The following AP3S2 variants were observed in gnomAD, a reference collection of about 807,000 sequenced individuals.
AP3S2 encodes adaptor related protein complex 3 subunit sigma 2, also known as AP-3 complex subunit sigma-2.
A neutral mutation model predicts 23.4 loss-of-function variants in AP3S2; 22 were observed. The ratio of observed to expected loss-of-function variants is 0.94; its 90% CI spans 0.67 to 1.34. AP3S2 has a LOEUF of 1.34. AP3S2 is among the 40% of genes most tolerant of loss of function. The pLI is 0.00. For missense variants in AP3S2, 241 were observed against 236.9 expected (o/e 1.02, Z -0.11); for synonymous variants, 86 against 87.1 (o/e 0.99, Z 0.07).
At chr15:89,852,060 G>A (rs949039651) in intron 4 of AP3S2, among the ~76,000 whole-genome samples, 1 of 152,188 alleles carries the variant, frequency 6.6e-6, no homozygotes, top group African/African-American at 2.4e-5. Context: ...ATTGCAGAGT[G>A]TAGAGGGAGC....
At position 89,893,980 on chromosome 15, in the gene AP3S2, C is replaced by T; in HGVS notation, c.-31G>A. 1.3e-6 allele frequency: 2 copies of T among 1,547,590 alleles called. No homozygotes were observed. Among genetic ancestry groups the T allele is most frequent in the Middle Eastern group, 1.7e-4 (1 of 5,988 alleles). On this transcript the variant is annotated 5_prime_UTR_variant, in exon 1 of 6. Transcript: ENST00000336418. ...CCAGCCACGGTTCTCTCAGCACCGG[C>T]TACTCCCAGAAAGCTCCTCCTTCCG...
Position 89,888,591 on chromosome 15 carries a change from T to A in AP3S2, c.203A>T (p.Tyr68Phe), listed in dbSNP as rs1490209841. 1 of 1,614,168 alleles carries A rather than the reference T, an allele frequency of 6.2e-7. No individual in the cohort carries two copies. Among genetic ancestry groups the A allele is most frequent in the African/African-American group, 1.3e-5 (1 of 75,038 alleles). ...ACAAAATACAAAGTAGAGGGTAGCA[T>A]AGTGCCGGTAGATCAGTTTGTAGTC... is the stretch of plus-strand genomic sequence containing the variant. ...GSDYKLIYRH[Y>F]ATLYFVFCVD... Residue 68 changes from tyrosine (Y) to phenylalanine (F), a missense_variant, in exon 3 of 6, where the codon TAT becomes TTT. By Grantham distance (22) the Tyr-to-Phe change is conservative (BLOSUM62 3). Coordinates refer to ENST00000336418, the MANE Select transcript of AP3S2 (RefSeq NM_005829.5).
In AP3S2 at chr15:89,832,960, G is replaced by A. The variant is rs756046749; in HGVS notation, c.*2555C>T. On this transcript the variant is annotated 3_prime_UTR_variant, in exon 6 of 6. Coordinates refer to ENST00000336418, the MANE Select transcript of AP3S2 (RefSeq NM_005829.5). ...GCTTCAGTTTTATGTCATTGTAAGA[G>A]GCCATGTGAGGGATGTTTGGATGCT... The A allele has an allele frequency of 4.6e-5, 7 of 152,302 alleles. No homozygotes were observed. The highest frequency in any genetic ancestry group is 8.8e-5 in the Non-Finnish European group (6 of 68,028). The allele number at this position is 152,302 out of a possible 1,614,324, so 9.4% of individuals were successfully genotyped here.
At chr15:89,848,161 C>G (rs1895542649) in intron 4 of AP3S2, among the ~76,000 whole-genome samples, 1 of 152,344 alleles carries the variant, frequency 6.6e-6, no homozygotes, top group Middle Eastern at 3.4e-3. Context: ...GACAGAGGCT[C>G]ACATTCCTAC....
At chr15:89,888,364 G>A (rs1450934718) in intron 3 of AP3S2, among the ~76,000 whole-genome samples, 157 bp downstream of exon 3, 1 of 152,194 alleles carries the variant, frequency 6.6e-6, no homozygotes, top group East Asian at 1.9e-4. Context: ...AGTGCTGAGG[G>A]TTTCTCAGGA....
intron 4 of AP3S2, among the ~76,000 whole-genome samples, chr15:89,865,913 TAACAC>T: frequency 6.6e-6 from 1 of 152,208 alleles, no homozygotes; most frequent in East Asian, 1.9e-4. Flanking sequence ...TTCTTACAAA[TAACAC>T]GGAGCAAAGA....
At chr15:89,886,117 G>A (rs1049966770) in intron 3 of AP3S2, among the ~76,000 whole-genome samples, 8 of 152,020 alleles carry the variant, frequency 5.3e-5, no homozygotes, top group Non-Finnish European at 8.8e-5. Flanking sequence ...TTGGGAGGCC[G>A]AGGCGGGCGG....
chr15:89,868,872 G>A (rs1488974496), intron 4 of AP3S2, among the ~76,000 whole-genome samples: 1 of 139,212 alleles, frequency 7.2e-6, no homozygotes, highest in African/African-American at 2.8e-5. Context: ...GGTGAGGGGC[G>A]CCTCTGCCCG....
chr15:89,846,982 T>C (rs1224667416), intron 4 of AP3S2, among the ~76,000 whole-genome samples: 2 of 152,164 alleles, frequency 1.3e-5, no homozygotes, highest in African/African-American at 2.4e-5. Flanking sequence ...CATTTTTTCT[T>C]TTCTAGGATG....
In AP3S2 at chr15:89,868,602, C is replaced by T. The variant is rs1216855136; in HGVS notation, c.345+2873G>A. ...CCCTCCACCCGGCCAGCCGCCCCGT[C>T]TGGGAGGTGAGGGGCGCCTCTGCCC... is the stretch of plus-strand genomic sequence containing the variant. On this transcript the variant is annotated intron_variant, in intron 4 of 5. Coordinates refer to ENST00000336418, the MANE Select transcript of AP3S2 (RefSeq NM_005829.5). 3.3e-5 allele frequency among the ~76,000 whole-genome samples: 4 copies of T among 120,918 alleles called. No individual in the cohort carries two copies. The East Asian group carries it at 8.2e-4, about 25-fold the overall frequency. The allele number at this position is 120,918 out of a possible 152,430, so 79.3% of individuals were successfully genotyped here. A position where few individuals can be genotyped will look rare whatever the true frequency, so the allele number is the denominator to read the frequency against.
At chr15:89,877,356 T>A (rs1896466909) in intron 3 of AP3S2, 1 of 1,297,672 alleles carries the variant, frequency 7.7e-7, no homozygotes, top group Non-Finnish European at 1.0e-6. Flanking sequence ...CAGGTCCTTG[T>A]TCCCAAAGAG....
chr15:89,885,934 CAAAAAAAAA>C (rs34323747), intron 3 of AP3S2, among the ~76,000 whole-genome samples: 14 of 104,926 alleles, frequency 1.3e-4, no homozygotes, highest in African/African-American at 4.3e-4. Context: ...GACCTTGTCT[CAAAAAAAAA>C]AAAAAAAAAA....
chr15:89,832,507 G>C lies in AP3S2; in HGVS notation c.*3008C>G, dbSNP rs1363519558. 9.7e-5 allele frequency: 4 copies of C among 41,440 alleles called. No homozygotes were observed. Among genetic ancestry groups the C allele is most frequent in the African/African-American group, 3.1e-4 (4 of 12,944 alleles). 2.6% of individuals were successfully genotyped at this position (41,440 alleles called of 1,614,324 possible). A position where few individuals can be genotyped will look rare whatever the true frequency, so the allele number is the denominator to read the frequency against. The stretch of plus-strand genomic sequence containing the variant: ...ACCTATTTTTTTTTTTTTTTTTTTT[G>C]AGACGGAGTCTTGCTGTGTTGCCCA... On this transcript the variant is annotated 3_prime_UTR_variant, in exon 6 of 6. Transcript: ENST00000336418.
At chr15:89,888,663 A>T (rs1181535599) in intron 2 of AP3S2, 31 bp from the exon 3 acceptor site, 1 of 1,599,396 alleles carries the variant, frequency 6.3e-7, no homozygotes. Context: ...TTAAATGCCC[A>T]CAGCTTAATT....
chr15:89,877,606 T>C (rs1896473146), intron 3 of AP3S2, among the ~76,000 whole-genome samples: 1 of 152,108 alleles, frequency 6.6e-6, no homozygotes, highest in East Asian at 1.9e-4. Flanking sequence ...CCCAGCACTT[T>C]GGGAGGGCGA....
At chr15:89,858,791 G>A (rs1011823664) in intron 4 of AP3S2, among the ~76,000 whole-genome samples, 3 of 152,028 alleles carry the variant, frequency 2.0e-5, no homozygotes, top group Non-Finnish European at 4.4e-5. Context: ...TACTGAAAAC[G>A]GCTGCATATC....
chr15:89,856,888 G>C (rs1192867526), intron 4 of AP3S2, among the ~76,000 whole-genome samples: 1 of 143,732 alleles, frequency 7.0e-6, no homozygotes. Context: ...AAAAAAAAAA[G>C]AAAAGAAAAG....
At chr15:89,864,893 C>T (rs1896083207) in intron 4 of AP3S2, among the ~76,000 whole-genome samples, 1 of 151,890 alleles carries the variant, frequency 6.6e-6, no homozygotes, top group African/African-American at 2.4e-5. Context: ...GAAGAAAGAA[C>T]AAAGGCCCTG....
intron 1 of AP3S2, chr15:89,893,568 A>T (rs929887771): frequency 4.8e-6 from 2 of 417,958 alleles, no homozygotes; most frequent in African/African-American, 4.1e-5. Flanking sequence ...TCAATCACTC[A>T]AGTTCTCATC....
Sources: gnomAD v4.1 joint callset for allele counts (sites outside exome capture counted in the v4.1 genomes callset) on GRCh38, gnomAD v4.1.1 for gene constraint, MANE v1.5 for transcripts, NCBI Gene and HGNC (gene_info 2026-07-23, HGNC 2026-07-21) for gene names.